CSMD1: variants seen among roughly 807,000 people sequenced by gnomAD.
CSMD1 encodes the protein CUB and Sushi multiple domains 1.
A neutral mutation model predicts 417.5 loss-of-function variants in CSMD1; 213 were observed. The observed-to-expected ratio is 0.51, with a 90% CI of 0.46 to 0.57. The LOEUF (loss-of-function observed/expected upper bound fraction) is 0.57. Among genes scored for constraint, CSMD1 ranks in the 20% least tolerant of loss-of-function variants. CSMD1 has a pLI of 0.00. For missense variants in CSMD1, 6,923 were observed against 4,529.7 expected, an observed-to-expected ratio of 1.53 and a Z score of -15.17; for synonymous variants, 2,862 against 1,736.8, an observed-to-expected ratio of 1.65 and a Z score of -16.11.
intron 3 of CSMD1, among the ~76,000 whole-genome samples, chr8:4,400,083 T>A (rs866905612): frequency 5.9e-5 from 9 of 152,134 alleles, no homozygotes; most frequent in Non-Finnish European, 7.3e-5. Context: ...AAGAGAGATC[T>A]AAATACGAGT....
At chr8:4,903,654 C>T (rs926348003) in intron 1 of CSMD1, among the ~76,000 whole-genome samples, 6 of 152,128 alleles carry the variant, frequency 3.9e-5, no homozygotes, top group South Asian at 4.2e-4. Context: ...TTCTTTGAAG[C>T]AAGTTATTCA....
At chr8:4,919,247 T>C (rs75655795) in intron 1 of CSMD1, among the ~76,000 whole-genome samples, 7,144 of 152,202 alleles carry the variant, frequency 0.047, 291 homozygotes, top group Non-Finnish European at 0.065. Context: ...TCAGAAATAA[T>C]CTCTTGCCCA....
intron 3 of CSMD1, among the ~76,000 whole-genome samples, chr8:4,146,300 G>A (rs780709834): frequency 6.6e-6 from 1 of 150,972 alleles, no homozygotes; most frequent in Non-Finnish European, 1.5e-5. Context: ...CAGTGCCATA[G>A]CCTCTGCTTG....
rs759252853 is a variant in CSMD1 at position 4,395,459 on chromosome 8, G to C, written c.415+24494C>G. Reference sequence around the variant, plus strand: ...AAGCAGTCTCTCATCAAGAATAGCAGCAAGATTACTGTTTCGATGAAGAAT... The same window carrying C: ...AAGCAGTCTCTCATCAAGAATAGCACCAAGATTACTGTTTCGATGAAGAAT... On this transcript the variant is annotated intron_variant, in intron 3 of 69. Coordinates refer to ENST00000635120, the MANE Select transcript of CSMD1 (RefSeq NM_033225.6). Among the ~76,000 whole-genome samples the C allele has an allele frequency of 1.8e-4, 28 of 151,460 alleles. 1 individual carries two copies. Among genetic ancestry groups the C allele is most frequent in the Admixed American group, 7.9e-4 (12 of 15,214 alleles).
At chr8:3,639,979 C>A (rs111258712) in intron 7 of CSMD1, among the ~76,000 whole-genome samples, 26 of 152,282 alleles carry the variant, frequency 1.7e-4, no homozygotes, top group African/African-American at 6.3e-4. Context: ...TGGCTAGCAT[C>A]TAATAGTGGT....
intron 30 of CSMD1, among the ~76,000 whole-genome samples, chr8:3,206,468 T>A (rs1464744699): frequency 4.2e-5 from 2 of 47,642 alleles, no homozygotes; most frequent in Non-Finnish European, 8.2e-5. Flanking sequence ...TGTGGGGGGG[T>A]TATGTCTGTG....
rs190167892 is a variant in CSMD1 at position 4,136,629 on chromosome 8, A to C, written c.416-104530T>G. On this transcript the variant is annotated intron_variant, in intron 3 of 69. Coordinates refer to ENST00000635120, the MANE Select transcript of CSMD1 (RefSeq NM_033225.6). ...AGAGAGGTTGAATATATTTCCATAA[A>C]AATAGTGAGACAGCATTTTCCTTTT... Among the ~76,000 whole-genome samples, 55 of 152,340 alleles carry C rather than the reference A, an allele frequency of 3.6e-4. 2 individuals carry two copies. In the East Asian group the frequency reaches 4.0e-3, roughly 11 times the overall value.
chr8:3,596,910 C>G lies in CSMD1; in HGVS notation c.1098-10650G>C, dbSNP rs369280469. On this transcript the variant is annotated intron_variant, in intron 8 of 69. Transcript: ENST00000635120. ...AAGTTGGCACAATGCAAGCGCTCAG[C>G]AAACATGCCTCAGTTTCCAAGTGCC... 1.5e-3 allele frequency among the ~76,000 whole-genome samples: 228 copies of G among 152,292 alleles called. 1 individual carries two copies. Among genetic ancestry groups the G allele is most frequent in the African/African-American group, 5.1e-3 (211 of 41,574 alleles).
intron 5 of CSMD1, among the ~76,000 whole-genome samples, chr8:3,904,900 G>A (rs1304535548): frequency 6.6e-6 from 1 of 151,978 alleles, no homozygotes; most frequent in Non-Finnish European, 1.5e-5. Flanking sequence ...GCCTCCCAAA[G>A]GGCTGAGATT....
chr8:3,360,530 T>C (rs568939913), intron 20 of CSMD1, among the ~76,000 whole-genome samples: 72 of 152,282 alleles, frequency 4.7e-4, no homozygotes, highest in African/African-American at 1.7e-3. Context: ...TTTTGTCAGA[T>C]AGTATCAAAC....
chr8:3,498,942 G>A lies in CSMD1; in HGVS notation c.1345-5216C>T, dbSNP rs377261468. The stretch of plus-strand genomic sequence containing the variant: ...CTATTTTTATTCTACTGATTCTCAC[G>A]GCGTATCTTTAACATCATTATTTTA... On this transcript the variant is annotated intron_variant, in intron 10 of 69. Transcript: ENST00000635120. 1.3e-4 allele frequency among the ~76,000 whole-genome samples: 19 copies of A among 151,936 alleles called. No individual in the cohort carries two copies. In the East Asian group the frequency reaches 2.7e-3, roughly 22 times the overall value.
intron 2 of CSMD1, among the ~76,000 whole-genome samples, chr8:4,511,387 G>A (rs532091035): frequency 6.6e-6 from 1 of 152,274 alleles, no homozygotes; most frequent in Non-Finnish European, 1.5e-5. Flanking sequence ...ATACAAATCA[G>A]GATTCTTTGC....
chr8:4,990,592 T>C (rs530624791), intron 1 of CSMD1, among the ~76,000 whole-genome samples: 77 of 152,254 alleles, frequency 5.1e-4, no homozygotes, highest in African/African-American at 1.8e-3. Flanking sequence ...CTCCTGACCT[T>C]TGATGATCCA....
intron 5 of CSMD1, among the ~76,000 whole-genome samples, chr8:3,773,523 G>C (rs965504150): frequency 3.3e-5 from 5 of 152,222 alleles, no homozygotes; most frequent in African/African-American, 1.2e-4. Context: ...CTGGACTCAA[G>C]TGATCCTCCC....
chr8:4,801,448 C>G (rs560060505), intron 1 of CSMD1, among the ~76,000 whole-genome samples: 55 of 147,220 alleles, frequency 3.7e-4, no homozygotes, highest in Non-Finnish European at 5.8e-4. Flanking sequence ...GCGGACTTGA[C>G]AGCCTCAGAT....
Position 4,329,448 on chromosome 8 carries a change from T to C in CSMD1, c.415+90505A>G, listed in dbSNP as rs554343728. 2.7e-4 allele frequency among the ~76,000 whole-genome samples: 41 copies of C among 152,136 alleles called. 1 individual carries two copies. In the South Asian group the frequency reaches 8.1e-3, roughly 30 times the overall value. Reference sequence around the variant, plus strand: ...GGACTACAGGCAGGCGTCAGCACACTGGCTAATTTTTGTATTTTCAGGATA... The same window carrying C: ...GGACTACAGGCAGGCGTCAGCACACCGGCTAATTTTTGTATTTTCAGGATA... On this transcript the variant is annotated intron_variant, in intron 3 of 69. Transcript: ENST00000635120.
intron 36 of CSMD1, chr8:3,183,218 T>G (rs546870978): frequency 9.0e-6 from 1 of 110,916 alleles, no homozygotes; most frequent in Admixed American, 9.5e-5. Flanking sequence ...CGAGTAGGTC[T>G]CTAACGTTTC....
chr8:3,623,538 A>T (rs1252803016), intron 7 of CSMD1, among the ~76,000 whole-genome samples: 1 of 152,236 alleles, frequency 6.6e-6, no homozygotes, highest in Non-Finnish European at 1.5e-5. Flanking sequence ...AATTACAATG[A>T]TACAAAATTA....
At chr8:3,506,662 T>A (rs1796840648) in intron 10 of CSMD1, among the ~76,000 whole-genome samples, 1 of 152,204 alleles carries the variant, frequency 6.6e-6, no homozygotes, top group Non-Finnish European at 1.5e-5. Context: ...ATTCAGTAAG[T>A]TTCTGGAATA....
Sources: gnomAD v4.1 joint callset for allele counts (sites outside exome capture counted in the v4.1 genomes callset) on GRCh38, gnomAD v4.1.1 for gene constraint, MANE v1.5 for transcripts, NCBI Gene and HGNC (gene_info 2026-07-23, HGNC 2026-07-21) for gene names.